The following MAGT1 variants were observed in gnomAD, a reference collection of about 807,000 sequenced individuals.
MAGT1 encodes magnesium transporter 1.
MAGT1 carries 4 observed loss-of-function variants against 28.4 expected under a neutral mutation model. The observed-to-expected ratio is 0.14, with a 90% CI of 0.07 to 0.32. The LOEUF (loss-of-function observed/expected upper bound fraction) is 0.32. Ranked by LOEUF, MAGT1 falls within the 10% of genes least tolerant of loss-of-function variation. The pLI is 1.00. For synonymous variants in MAGT1, 89 were observed against 89.7 expected (o/e 0.99, Z 0.04); for missense variants, 193 against 264.5 (o/e 0.73, Z 1.88).
chrX:77,862,206 G>C (rs1168529453), intron 3 of MAGT1, among the ~76,000 whole-genome samples: 3 of 111,314 alleles, frequency 2.7e-5, no homozygotes, highest in Admixed American at 9.7e-5. Context: ...GTTACTTAGA[G>C]AAAGATTTGA....
At chrX:77,856,672 C>T (rs2076982158) in intron 5 of MAGT1, 61 bp downstream of exon 5, 3 of 1,082,864 alleles carry the variant, frequency 2.8e-6, no homozygotes, top group African/African-American at 1.8e-5. Flanking sequence ...AAAAGCTTAC[C>T]TAAAAATACA....
chrX:77,834,281 T>C (rs782468242), intron 8 of MAGT1, among the ~76,000 whole-genome samples: 16 of 100,053 alleles, frequency 1.6e-4, no homozygotes, highest in South Asian at 1.4e-3. Flanking sequence ...CATATATGTA[T>C]ATATATGCAT....
chrX:77,875,378 G>T, intron 2 of MAGT1, 50 bp downstream of exon 2: 1 of 1,159,961 alleles, frequency 8.6e-7, no homozygotes, highest in Non-Finnish European at 1.2e-6. Context: ...TTGAGAAATG[G>T]TTAACGTTAT....
At chrX:77,834,421 A>C (rs1038005833) in intron 8 of MAGT1, among the ~76,000 whole-genome samples, 2 of 106,677 alleles carry the variant, frequency 1.9e-5, no homozygotes, top group African/African-American at 6.8e-5. Context: ...TGCAACCTCC[A>C]CTTCCTGGGC....
intron 8 of MAGT1, among the ~76,000 whole-genome samples, chrX:77,831,298 T>G (rs1193727864): frequency 2.7e-5 from 3 of 111,578 alleles, no homozygotes; most frequent in Non-Finnish European, 5.6e-5. Context: ...ATTACAGGCT[T>G]GAGCCACCAT....
At chrX:77,862,568 A>G (rs1031861360) in intron 3 of MAGT1, among the ~76,000 whole-genome samples, 17 of 112,047 alleles carry the variant, frequency 1.5e-4, no homozygotes, top group African/African-American at 4.8e-4. Context: ...AAAAGCAAAT[A>G]ATCCCATTAA....
chrX:77,878,322 A>T (rs1272191523), intron 1 of MAGT1, among the ~76,000 whole-genome samples: 1 of 100,380 alleles, frequency 1.0e-5, no homozygotes, highest in Non-Finnish European at 2.0e-5. Flanking sequence ...AGAAAAAAAA[A>T]TTTAGCCGGG....
intron 8 of MAGT1, among the ~76,000 whole-genome samples, chrX:77,837,854 T>C (rs1048623418): frequency 9.0e-6 from 1 of 111,319 alleles, no homozygotes; most frequent in East Asian, 2.8e-4. Flanking sequence ...GTGATTCTCA[T>C]GCCTCAAACT....
In MAGT1 at chrX:77,831,248, A is replaced by C. The variant is rs1358964956; in HGVS notation, c.902-353T>G. Among the ~76,000 whole-genome samples the C allele has an allele frequency of 2.7e-5, 3 of 110,565 alleles. No homozygotes were observed. In the East Asian group the frequency reaches 8.5e-4, roughly 31 times the overall value. On this transcript the variant is annotated intron_variant, in intron 8 of 9. Transcript: ENST00000618282. Reference sequence around the variant, plus strand: ...TGGCCAGGATGGTCTCGATCTCCTGACCTCATGATCCGCCTGCCTCAGCCT... The same window carrying C: ...TGGCCAGGATGGTCTCGATCTCCTGCCCTCATGATCCGCCTGCCTCAGCCT...
intron 7 of MAGT1, among the ~76,000 whole-genome samples, chrX:77,850,714 C>T (rs781946011): frequency 9.0e-6 from 1 of 111,016 alleles, no homozygotes; most frequent in African/African-American, 3.3e-5. Flanking sequence ...AAACCTTAGG[C>T]TGATGCTCAG....
At chrX:77,845,588 T>C (rs1465709845) in intron 7 of MAGT1, among the ~76,000 whole-genome samples, 1 of 111,929 alleles carries the variant, frequency 8.9e-6, no homozygotes, top group Non-Finnish European at 1.9e-5. Context: ...GTTGTTCCTT[T>C]CCATGTTTAG....
chrX:77,834,996 C>T (rs1401957117), intron 8 of MAGT1, among the ~76,000 whole-genome samples: 2 of 105,550 alleles, frequency 1.9e-5, no homozygotes, highest in African/African-American at 3.5e-5. Context: ...TGCTCTGTCG[C>T]CCAGGCTGGA....
chrX:77,856,941 A>T (rs1360745947), intron 4 of MAGT1, 68 bp from the exon 5 acceptor site: 11 of 960,740 alleles, frequency 1.1e-5, no homozygotes, highest in African/African-American at 1.9e-5. Flanking sequence ...GGTCAAAATA[A>T]AATCTGAAAT....
In MAGT1 at chrX:77,857,466, T is replaced by C. The variant is rs782270890; in HGVS notation, c.422A>G (p.Asn141Ser). 1 of 1,211,653 alleles carries C rather than the reference T, an allele frequency of 8.3e-7. No homozygotes were observed. The highest frequency in any genetic ancestry group is 2.2e-5 in the Admixed American group (1 of 45,983). ...LNMNSAPTFINFPAKGKPKRG... is the reference protein window; with the variant it reads ...LNMNSAPTFISFPAKGKPKRG... The stretch of plus-strand genomic sequence containing the variant: ...TTTGGGTTTCCCTTTTGCAGGAAAG[T>C]TGATGAAAGTTGGAGCTGAATTCAT... The change falls in exon 4 of 10, where the codon AAC becomes AGC. Residue 141 changes from asparagine (N) to serine (S), a missense_variant. Transcript: ENST00000618282.
At chrX:77,835,448 G>A (rs2076914074) in intron 8 of MAGT1, among the ~76,000 whole-genome samples, 1 of 111,200 alleles carries the variant, frequency 9.0e-6, no homozygotes, top group South Asian at 3.7e-4. Context: ...CGAGGATGTG[G>A]AAAAAAGGGA....
rs781874519 is a variant in MAGT1, at chrX:77,838,569, C to T, written c.901+2677G>A. On this transcript the variant is annotated intron_variant, in intron 8 of 9. Coordinates refer to ENST00000618282, the MANE Select transcript of MAGT1 (RefSeq NM_001367916.1). ...GGTCAGGAGTTCGAGACCAGCCTGG[C>T]CAACATGGTGAAATCCCGTCTCTAC... Among the ~76,000 whole-genome samples, 403 of 109,875 alleles carry T rather than the reference C, an allele frequency of 3.7e-3. 1 individual carries two copies. Among genetic ancestry groups the T allele is most frequent in the African/African-American group, 0.013 (380 of 30,247 alleles).
intron 7 of MAGT1, among the ~76,000 whole-genome samples, chrX:77,847,847 G>A (rs1557215152): frequency 9.0e-6 from 1 of 110,701 alleles, no homozygotes; most frequent in East Asian, 2.8e-4. Context: ...CCTGATCTCA[G>A]GTGATTCACT....
intron 2 of MAGT1, among the ~76,000 whole-genome samples, 182 bp from the exon 3 acceptor site, chrX:77,871,107 T>G (rs1405032663): frequency 8.9e-6 from 1 of 112,197 alleles, no homozygotes; most frequent in Non-Finnish European, 1.9e-5. Flanking sequence ...TGTTTTGGCA[T>G]AAGAGAAGCC....
chrX:77,873,646 A>T (rs1387244761), intron 2 of MAGT1, among the ~76,000 whole-genome samples: 1 of 111,815 alleles, frequency 8.9e-6, no homozygotes, highest in African/African-American at 3.2e-5. Context: ...TCCATCTCCA[A>T]GGTTTACAAT....
Sources: allele counts gnomAD v4.1 joint callset (sites outside exome capture counted in the v4.1 genomes callset), GRCh38; gene constraint gnomAD v4.1.1; transcripts MANE v1.5; gene names NCBI Gene and HGNC (gene_info 2026-07-23, HGNC 2026-07-21).